Variants in CDS2 observed in about 807,000 individuals in gnomAD.
CDS2 encodes the protein CDP-diacylglycerol synthase 2.
A neutral mutation model predicts 59.0 loss-of-function variants in CDS2; 47 were observed. The observed-to-expected ratio is 0.80, with a 90% confidence interval of 0.63 to 1.02. CDS2 has a LOEUF of 1.02. Among genes scored for constraint, CDS2 ranks in the 50% least tolerant of loss-of-function variants. CDS2 has a pLI of 0.00. For missense variants in CDS2, 356 were observed against 558.9 expected (o/e 0.64, Z 3.66); for synonymous variants, 207 against 206.4 (o/e 1.00, Z -0.02).
intron 1 of CDS2, among the ~76,000 whole-genome samples, chr20:5,147,711 T>G (rs1261128225): frequency 6.6e-6 from 1 of 152,054 alleles, no homozygotes; most frequent in Non-Finnish European, 1.5e-5. Flanking sequence ...GCCACATTTT[T>G]TTTTTTCTTT....
chr20:5,138,192 T>G (rs1014434820), intron 1 of CDS2, among the ~76,000 whole-genome samples: 42 of 151,848 alleles, frequency 2.8e-4, no homozygotes, highest in African/African-American at 9.9e-4. Context: ...CCTCAAGTGA[T>G]CCTCTTTCCT....
At chr20:5,132,058 G>C (rs2090611858) in intron 1 of CDS2, among the ~76,000 whole-genome samples, 3 of 151,828 alleles carry the variant, frequency 2.0e-5, no homozygotes, top group South Asian at 4.2e-4. Context: ...TTATAGAAAG[G>C]ACTTAGCCTT....
At chr20:5,140,898 A>T (rs1470459935) in intron 1 of CDS2, among the ~76,000 whole-genome samples, 2 of 152,160 alleles carry the variant, frequency 1.3e-5, no homozygotes, top group Non-Finnish European at 2.9e-5. Flanking sequence ...GATCACATGG[A>T]CCTGGTTGCT....
intron 1 of CDS2, among the ~76,000 whole-genome samples, chr20:5,142,484 C>A (rs1359300441): frequency 1.3e-5 from 2 of 151,798 alleles, no homozygotes; most frequent in Non-Finnish European, 1.5e-5. Context: ...ATTTCTGGAT[C>A]TAATTTGGAT....
intron 1 of CDS2, among the ~76,000 whole-genome samples, chr20:5,147,819 T>C (rs1026454961): frequency 6.6e-6 from 1 of 152,084 alleles, no homozygotes; most frequent in Non-Finnish European, 1.5e-5. Context: ...GCTGGGACTA[T>C]AGTGGCACAC....
chr20:5,185,066 T>C (rs914456370), intron 8 of CDS2, 121 bp downstream of exon 8: 12 of 736,996 alleles, frequency 1.6e-5, no homozygotes, highest in Non-Finnish European at 2.6e-5. Flanking sequence ...CATGTCTTCA[T>C]GTCTTCCTGG....
chr20:5,135,667 G>A lies in CDS2; in HGVS notation c.57+8518G>A, dbSNP rs1040504474. On this transcript the variant is annotated intron_variant, in intron 1 of 12. Transcript: ENST00000460006. The stretch of plus-strand genomic sequence containing the variant: ...TGGTCCCCACCGGGCAGCTTCCTAT[G>A]CCAGTCACTGATATTTGTTCTCATG... 1.1e-4 allele frequency among the ~76,000 whole-genome samples: 17 copies of A among 152,188 alleles called. No homozygotes were observed. In the South Asian group the frequency reaches 1.2e-3, roughly 11 times the overall value.
At chr20:5,142,731 C>T (rs1158980081) in intron 1 of CDS2, among the ~76,000 whole-genome samples, 2 of 152,044 alleles carry the variant, frequency 1.3e-5, no homozygotes, top group East Asian at 1.9e-4. Context: ...AAAGGAAGGC[C>T]ACAGGCAATG....
chr20:5,132,898 C>A (rs529023818), intron 1 of CDS2, among the ~76,000 whole-genome samples: 1 of 151,980 alleles, frequency 6.6e-6, no homozygotes, highest in Non-Finnish European at 1.5e-5. Context: ...ATCGGCCGGG[C>A]GCGGTGGCTC....
chr20:5,186,931 G>C (rs942801833), intron 10 of CDS2, 92 bp downstream of exon 10: 4 of 1,447,018 alleles, frequency 2.8e-6, no homozygotes, highest in Middle Eastern at 2.3e-4. Context: ...AAAAAAGCTA[G>C]CTTCCTCCTT....
intron 1 of CDS2, among the ~76,000 whole-genome samples, chr20:5,162,431 A>G (rs1429663265): frequency 6.6e-6 from 1 of 152,210 alleles, no homozygotes; most frequent in Non-Finnish European, 1.5e-5. Flanking sequence ...TTTCTGGCTT[A>G]TGCAGGGTAT....
chr20:5,167,537 T>C (rs917820530), intron 1 of CDS2, among the ~76,000 whole-genome samples: 1 of 152,186 alleles, frequency 6.6e-6, no homozygotes, highest in Non-Finnish European at 1.5e-5. Flanking sequence ...TGGCCAGATA[T>C]ATGTATATAT....
At chr20:5,154,665 T>C (rs1054196512) in intron 1 of CDS2, among the ~76,000 whole-genome samples, 1 of 152,206 alleles carries the variant, frequency 6.6e-6, no homozygotes, top group African/African-American at 2.4e-5. Flanking sequence ...GTTTGTTTTA[T>C]GAGACAAGGT....
chr20:5,189,698 A>G (rs1441585262), intron 11 of CDS2, 37 bp from the exon 12 acceptor site: 1 of 1,525,554 alleles, frequency 6.6e-7, no homozygotes, highest in Admixed American at 1.7e-5. Context: ...TTAGTGGCTG[A>G]GCCCAAGTTC....
chr20:5,168,704 C>G (rs888806250), intron 1 of CDS2: 1 of 509,922 alleles, frequency 2.0e-6, no homozygotes, highest in Non-Finnish European at 3.9e-6. Flanking sequence ...ACCCAAACAG[C>G]AGGGTTTTCT....
At chr20:5,181,787 TACTA>T (rs1378797775) in intron 5 of CDS2, among the ~76,000 whole-genome samples, 2 of 152,244 alleles carry the variant, frequency 1.3e-5, no homozygotes, top group African/African-American at 2.4e-5. Context: ...CATGTTACCT[TACTA>T]AATAAATACT....
At chr20:5,149,134 A>G (rs983753680) in intron 1 of CDS2, among the ~76,000 whole-genome samples, 3 of 152,044 alleles carry the variant, frequency 2.0e-5, no homozygotes, top group East Asian at 1.9e-4. Flanking sequence ...AATGGTGCCA[A>G]TTTCCATTTC....
rs1203306061 is a variant in CDS2 at position 5,194,662 on chromosome 20, A to G, written c.*4428A>G. On this transcript the variant is annotated 3_prime_UTR_variant, in exon 13 of 13. Coordinates refer to ENST00000460006, the MANE Select transcript of CDS2 (RefSeq NM_003818.4). The stretch of plus-strand genomic sequence containing the variant: ...TTGGGATTTTGAGGACATGCGGATG[A>G]TTTATGAGAATAGAGGGGCAGAGTT... 6.6e-6 allele frequency: 1 copy of G among 152,176 alleles called. No individual in the cohort carries two copies. Among genetic ancestry groups the G allele is most frequent in the Non-Finnish European group, 1.5e-5 (1 of 68,038 alleles). 9.4% of individuals were successfully genotyped at this position (152,176 alleles called of 1,614,324 possible).
At chr20:5,139,703 C>T (rs1314937953) in intron 1 of CDS2, among the ~76,000 whole-genome samples, 3 of 151,918 alleles carry the variant, frequency 2.0e-5, no homozygotes, top group African/African-American at 7.3e-5. Context: ...TCATATATGG[C>T]CTTTATTATG....
Sources: allele counts gnomAD v4.1 joint callset (sites outside exome capture counted in the v4.1 genomes callset), GRCh38; gene constraint gnomAD v4.1.1; transcripts MANE v1.5; gene names NCBI Gene and HGNC (gene_info 2026-07-23, HGNC 2026-07-21).